The following EYS variants were observed in gnomAD, a reference collection of about 807,000 sequenced individuals.
EYS encodes protein eyes shut homolog.
A neutral mutation model predicts 282.1 loss-of-function variants in EYS; 250 were observed. The observed-to-expected ratio is 0.89, with a 90% CI of 0.80 to 0.98. The LOEUF (loss-of-function observed/expected upper bound fraction) is 0.98, where lower values mean the gene tolerates loss of function less well. EYS is among the 50% of genes least tolerant of loss of function. The pLI is 0.00. For missense variants in EYS, 4,016 were observed against 3,709.0 expected (o/e 1.08, Z -2.15); for synonymous variants, 1,355 against 1,282.9 (o/e 1.06, Z -1.20).
At chr6:64,494,419 C>A (rs1314462891) in intron 26 of EYS, among the ~76,000 whole-genome samples, 2 of 151,642 alleles carry the variant, frequency 1.3e-5, no homozygotes, top group African/African-American at 4.8e-5. Flanking sequence ...ATGTATTGCA[C>A]CCAGGACTGT....
At chr6:64,324,318 T>A (rs528725885) in intron 29 of EYS, among the ~76,000 whole-genome samples, 1 of 152,264 alleles carries the variant, frequency 6.6e-6, no homozygotes, top group African/African-American at 2.4e-5. Context: ...GGATGCAAAG[T>A]TGGTTCAACA....
intron 29 of EYS, among the ~76,000 whole-genome samples, chr6:64,355,735 AGAT>A (rs1324794588): frequency 3.3e-5 from 5 of 151,634 alleles, no homozygotes; most frequent in Admixed American, 3.3e-4. Context: ...TGCACAAGAC[AGAT>A]GATATGAAAG....
rs148928905 is a variant in EYS, at chr6:65,164,735, G to T, written c.2024-107008C>A. On this transcript the variant is annotated intron_variant, in intron 12 of 42. Coordinates refer to ENST00000503581, the MANE Select transcript of EYS (RefSeq NM_001142800.2). ...CAGAGACCAAGGTGCCAGCGATGTT[G>T]GTTACTTCGGAGTGCTGTGAAAAAG... is the stretch of plus-strand genomic sequence containing the variant. Among the ~76,000 whole-genome samples the T allele has an allele frequency of 1.1e-3, 161 of 151,386 alleles. 1 individual carries two copies. Among genetic ancestry groups the T allele is most frequent in the Admixed American group, 3.6e-3 (54 of 15,144 alleles).
At chr6:64,532,484 C>T (rs1379656136) in intron 26 of EYS, among the ~76,000 whole-genome samples, 2 of 151,916 alleles carry the variant, frequency 1.3e-5, no homozygotes, top group Non-Finnish European at 2.9e-5. Flanking sequence ...CGGAGGCGAG[C>T]GGATCACGAG....
intron 33 of EYS, among the ~76,000 whole-genome samples, chr6:64,054,794 T>C (rs895161555): frequency 1.3e-5 from 2 of 152,124 alleles, no homozygotes; most frequent in Admixed American, 6.6e-5. Context: ...AAAGATATTA[T>C]AAAGAATAAG....
intron 12 of EYS, among the ~76,000 whole-genome samples, chr6:65,279,696 A>C (rs1768163448): frequency 6.6e-6 from 1 of 152,234 alleles, no homozygotes; most frequent in Non-Finnish European, 1.5e-5. Flanking sequence ...AGTACTCATC[A>C]AGCATCCTTT....
At chr6:64,651,330 GTATC>G (rs1380540181) in intron 22 of EYS, among the ~76,000 whole-genome samples, 12 of 152,190 alleles carry the variant, frequency 7.9e-5, no homozygotes, top group Non-Finnish European at 1.8e-4. Context: ...TATTGAGAAT[GTATC>G]TGTATATATG....
At chr6:64,739,601 C>T (rs1772299451) in intron 22 of EYS, among the ~76,000 whole-genome samples, 1 of 152,106 alleles carries the variant, frequency 6.6e-6, no homozygotes, top group Non-Finnish European at 1.5e-5. Flanking sequence ...CCCAGTTGTA[C>T]CTATTGTTCT....
intron 15 of EYS, among the ~76,000 whole-genome samples, chr6:64,916,458 T>C (rs1409124311): frequency 6.6e-6 from 1 of 152,154 alleles, no homozygotes; most frequent in African/African-American, 2.4e-5. Flanking sequence ...AAAATAAAGT[T>C]CCGAGGAACA....
intron 22 of EYS, among the ~76,000 whole-genome samples, chr6:64,660,810 G>T (rs1768982718): frequency 6.6e-6 from 1 of 152,102 alleles, no homozygotes; most frequent in Admixed American, 6.6e-5. Context: ...TGGCCATACA[G>T]CCCAAGGTAA....
intron 41 of EYS, among the ~76,000 whole-genome samples, chr6:63,761,765 T>C (rs1238012042): frequency 6.6e-6 from 1 of 152,004 alleles, no homozygotes; most frequent in African/African-American, 2.4e-5. Flanking sequence ...AGCTAGGATA[T>C]GGCAGGTGGG....
At chr6:65,545,250 T>C (rs113318783) in intron 2 of EYS, among the ~76,000 whole-genome samples, 2 of 141,338 alleles carry the variant, frequency 1.4e-5, no homozygotes, top group Admixed American at 1.5e-4. Context: ...GTTTTTTTTT[T>C]TTCTCTGATC....
At chr6:65,652,727 T>A (rs1282390686) in intron 1 of EYS, among the ~76,000 whole-genome samples, 2 of 151,992 alleles carry the variant, frequency 1.3e-5, no homozygotes, top group African/African-American at 4.8e-5. Flanking sequence ...AGTAAAATTT[T>A]GAGCTGATAT....
At chr6:64,069,373 T>C (rs1003988906) in intron 32 of EYS, among the ~76,000 whole-genome samples, 5 of 151,970 alleles carry the variant, frequency 3.3e-5, no homozygotes, top group Non-Finnish European at 5.9e-5. Flanking sequence ...ATATATATAT[T>C]TTACTATTTT....
intron 41 of EYS, among the ~76,000 whole-genome samples, chr6:63,757,818 C>T (rs987790555): frequency 1.1e-4 from 16 of 152,126 alleles, no homozygotes; most frequent in African/African-American, 3.4e-4. Context: ...TGGATCTCTT[C>T]GTATTGCCTG....
At chr6:64,347,910 A>G (rs1441105732) in intron 29 of EYS, among the ~76,000 whole-genome samples, 9 of 151,362 alleles carry the variant, frequency 5.9e-5, no homozygotes, top group Non-Finnish European at 1.2e-4. Flanking sequence ...TCTGGGTAGA[A>G]TTTTACTCTC....
At chr6:64,853,372 A>C (rs376503274) in intron 19 of EYS, among the ~76,000 whole-genome samples, 1 of 152,252 alleles carries the variant, frequency 6.6e-6, no homozygotes, top group East Asian at 1.9e-4. Context: ...TCTATGTGCC[A>C]TTAGATAATT....
intron 14 of EYS, among the ~76,000 whole-genome samples, chr6:64,974,351 A>G (rs1770402660): frequency 6.6e-6 from 1 of 151,688 alleles, no homozygotes. Flanking sequence ...ACTTCTTGTG[A>G]TTCAAACGGT....
chr6:64,845,513 C>A (rs184248936), intron 19 of EYS, among the ~76,000 whole-genome samples: 1 of 132,002 alleles, frequency 7.6e-6, no homozygotes, highest in Non-Finnish European at 1.7e-5. Flanking sequence ...AAGTTTCTTC[C>A]AACAAAAAAT....
Sources: allele counts gnomAD v4.1 joint callset (sites outside exome capture counted in the v4.1 genomes callset), GRCh38; gene constraint gnomAD v4.1.1; transcripts MANE v1.5; gene names NCBI Gene and HGNC (gene_info 2026-07-23, HGNC 2026-07-21).